Variants in SNAP47 observed in about 807,000 individuals in gnomAD.
SNAP47 encodes the protein synaptosomal-associated protein 47.
SNAP47 carries 20 observed loss-of-function variants against 31.4 expected under a neutral mutation model. That is an observed-to-expected ratio of 0.64 (90% CI 0.45 to 0.93). The LOEUF (loss-of-function observed/expected upper bound fraction) is 0.93, where lower values mean the gene tolerates loss of function less well. Ranked by LOEUF, SNAP47 falls within the 40% of genes least tolerant of loss-of-function variation. The probability of loss-of-function intolerance (pLI) is 0.00; values close to 1 mark genes in which losing one functional copy is unlikely to be tolerated. For missense variants in SNAP47, 492 were observed against 528.5 expected, an observed-to-expected ratio of 0.93 and a Z score of 0.68; for synonymous variants, 194 against 213.4, an observed-to-expected ratio of 0.91 and a Z score of 0.79.
intron 2 of SNAP47, among the ~76,000 whole-genome samples, chr1:227,755,543 T>C: frequency 6.6e-6 from 1 of 152,126 alleles, no homozygotes; most frequent in East Asian, 1.9e-4. Flanking sequence ...CACACCACCA[T>C]GCCCAGCTAA....
chr1:227,741,753 G>C lies in SNAP47; in HGVS notation c.-45-5939G>C, dbSNP rs1277281203. ...GGAATGGCTGGCCGGCGTGGGGGCC[G>C]TGTTCAAGATTGGGCTGCTTCTGAT... On this transcript the variant is annotated intron_variant, in intron 1 of 4. Transcript: ENST00000617596. The surrounding 1 kb of genome is among the most constrained non-coding windows in gnomAD (Gnocchi z 4.2). Among the ~76,000 whole-genome samples the C allele has an allele frequency of 6.6e-6, 1 of 152,006 alleles. No homozygotes were observed. Among genetic ancestry groups the C allele is most frequent in the East Asian group, 1.9e-4 (1 of 5,168 alleles).
At position 227,747,977 on chromosome 1, in the gene SNAP47, A is replaced by T; in HGVS notation, c.241A>T (p.Ser81Cys). 6.2e-7 allele frequency: 1 copy of T among 1,614,240 alleles called. No homozygotes were observed. The highest frequency in any genetic ancestry group is 8.5e-7 in the Non-Finnish European group (1 of 1,180,040). ...GAAGGGCCATGCCAAGCACTGGTTCAGCTCCCTGCGGCCAAGTCGAAATGT... is the reference window on the plus strand; with the variant it reads ...GAAGGGCCATGCCAAGCACTGGTTCTGCTCCCTGCGGCCAAGTCGAAATGT... Reference protein sequence around the residue: ...LEKGHAKHWFSSLRPSRNVVF... With the variant: ...LEKGHAKHWFCSLRPSRNVVF... The change falls in exon 2 of 5, where the codon AGC (serine) becomes TGC (cysteine). Residue 81 changes from serine (S) to cysteine (C), a missense_variant. Physicochemically the swap from Ser to Cys is moderately radical, Grantham distance 112 (BLOSUM62 -1). Transcript: ENST00000617596.
upstream of SNAP47, chr1:227,734,900 A>ACGCGCCTGGCCT: frequency 3.9e-6 from 6 of 1,554,322 alleles, no homozygotes; most frequent in Non-Finnish European, 5.3e-6. Context: ...TCCAGGGGCC[A>ACGCGCCTGGCCT]CGCGCCTGGC....
At chr1:227,743,998 G>A (rs1465464119) in intron 1 of SNAP47, 6 of 152,142 alleles carry the variant, frequency 3.9e-5, no homozygotes, top group African/African-American at 7.2e-5. Context: ...TGCAGACGCC[G>A]AGGTCCCTGG....
chr1:227,743,063 G>T (rs749514762), intron 1 of SNAP47, among the ~76,000 whole-genome samples: 6 of 152,174 alleles, frequency 3.9e-5, no homozygotes, highest in Non-Finnish European at 8.8e-5. Context: ...GTTGACCATG[G>T]TACTGAAGGT....
Position 227,751,744 on chromosome 1 carries a change from G to GTTTTT in SNAP47, c.497+3544_497+3548dup, listed in dbSNP as rs540732076. Among the ~76,000 whole-genome samples the GTTTTT allele has an allele frequency of 3.9e-4, 27 of 69,196 alleles. 7 individuals carry two copies. The highest frequency in any genetic ancestry group is 1.1e-3 in the South Asian group (2 of 1,860). The allele number at this position is 69,196 out of a possible 152,430, so 45.4% of individuals were successfully genotyped here. Reference sequence around the variant, plus strand: ...ATGGGGCCAATTACATAAAGACTTGGTTTTTTTTTTTTTTTTTTTTTTTTT... The same window carrying GTTTTT: ...ATGGGGCCAATTACATAAAGACTTGGTTTTTTTTTTTTTTTTTTTTTTTTTTTTTT... On this transcript the variant is annotated intron_variant, in intron 2 of 4. Transcript: ENST00000617596.
upstream of SNAP47, chr1:227,734,239 G>T: frequency 1.7e-6 from 1 of 587,400 alleles, no homozygotes. Context: ...CTGCTTATTA[G>T]AAAGTACTGA....
At chr1:227,740,156 A>G (rs1355233923) in intron 1 of SNAP47, among the ~76,000 whole-genome samples, 1 of 152,216 alleles carries the variant, frequency 6.6e-6, no homozygotes, top group Admixed American at 6.5e-5. Flanking sequence ...TGCCTTAGGA[A>G]GGCGAGGAAG....
In SNAP47 at chr1:227,748,316, A is replaced by G. The variant is rs560463698; in HGVS notation, c.497+83A>G. 3 of 1,394,200 alleles carry G rather than the reference A, an allele frequency of 2.2e-6. No homozygotes were observed. The East Asian group carries it at 7.5e-5, about 35-fold the overall frequency. 86.4% of individuals were successfully genotyped at this position (1,394,200 alleles called of 1,614,324 possible). A position where few individuals can be genotyped will look rare whatever the true frequency, so the allele number is the denominator to read the frequency against. On this transcript the variant is annotated intron_variant, in intron 2 of 4. Coordinates refer to ENST00000617596, the MANE Select transcript of SNAP47 (RefSeq NM_053052.4). ...AGGCTCACAGGCACTGTTCCAGGCC[A>G]CTGCACCATATTTGCACACATCCAG...
chr1:227,779,495 T>C (rs12132275), intron 4 of SNAP47, among the ~76,000 whole-genome samples: 77,712 of 152,042 alleles, frequency 0.51, 19,929 homozygotes, highest in Admixed American at 0.52. Context: ...GCCCTAGACC[T>C]TGGATGGTCA....
At chr1:227,777,623 CTCTATG>C (rs1664239172) in intron 4 of SNAP47, among the ~76,000 whole-genome samples, 2 of 152,310 alleles carry the variant, frequency 1.3e-5, no homozygotes, top group East Asian at 3.8e-4. Context: ...TCAAATGGTA[CTCTATG>C]TCTATTGGGT....
At chr1:227,749,012 G>T (rs1357366262) in intron 2 of SNAP47, among the ~76,000 whole-genome samples, 2 of 152,014 alleles carry the variant, frequency 1.3e-5, no homozygotes, top group South Asian at 4.1e-4. Context: ...TGTGTTTCTG[G>T]TTTTTATCTT....
chr1:227,748,684 G>C (rs1322408044), intron 2 of SNAP47, among the ~76,000 whole-genome samples: 1 of 152,048 alleles, frequency 6.6e-6, no homozygotes, highest in Non-Finnish European at 1.5e-5. Flanking sequence ...GGTGTCTCCT[G>C]TCAGCATCTG....
rs530264745 is a variant in SNAP47 at position 227,739,854 on chromosome 1, C to T, written c.-46+4355C>T. ...CAGCTGTGTGTTCTCAGGGTCAGCG[C>T]GGGTCCCCAGGCCCACACCTGCACT... On this transcript the variant is annotated intron_variant, in intron 1 of 4. Coordinates refer to ENST00000617596, the MANE Select transcript of SNAP47 (RefSeq NM_053052.4). Among the ~76,000 whole-genome samples the T allele has an allele frequency of 2.8e-4, 43 of 152,310 alleles. 1 individual carries two copies. The highest frequency in any genetic ancestry group is 8.5e-4 in the Admixed American group (13 of 15,310).
At chr1:227,751,195 C>T (rs1323252080) in intron 2 of SNAP47, among the ~76,000 whole-genome samples, 1 of 152,200 alleles carries the variant, frequency 6.6e-6, no homozygotes, top group East Asian at 1.9e-4. Context: ...GTGTCGCCCA[C>T]TCTCCTGGGA....
At chr1:227,772,167 C>T (rs148991045) in intron 4 of SNAP47, among the ~76,000 whole-genome samples, 75 of 152,286 alleles carry the variant, frequency 4.9e-4, no homozygotes, top group African/African-American at 1.7e-3. Context: ...CGTGTTATAG[C>T]AGTGGGGAGT....
intron 1 of SNAP47, among the ~76,000 whole-genome samples, chr1:227,739,522 C>G (rs1262008366): frequency 6.6e-6 from 1 of 152,198 alleles, no homozygotes; most frequent in Admixed American, 6.5e-5. Context: ...TGGCCGCACC[C>G]TACCGCCCCT....
At chr1:227,733,497 C>T (rs758409363), upstream of SNAP47, 7 of 1,594,170 alleles carry the variant, frequency 4.4e-6, no homozygotes, top group Admixed American at 1.2e-4. Flanking sequence ...GGTGGGCCAG[C>T]AAGCTGGTTC....
intron 4 of SNAP47, among the ~76,000 whole-genome samples, chr1:227,770,337 G>T (rs147251980): frequency 6.6e-6 from 1 of 152,306 alleles, no homozygotes; most frequent in East Asian, 1.9e-4. Context: ...CTCAGGTAGG[G>T]CTCACGTGGA....
Sources: allele counts gnomAD v4.1 joint callset (sites outside exome capture counted in the v4.1 genomes callset), GRCh38; gene constraint gnomAD v4.1.1; non-coding constraint Gnocchi (gnomAD v3.1); transcripts MANE v1.5; gene names NCBI Gene and HGNC (gene_info 2026-07-23, HGNC 2026-07-21).